Variants in SYT16 observed in about 807,000 individuals in gnomAD.
SYT16 encodes synaptotagmin-16.
Under a neutral mutation model 61.4 loss-of-function variants are expected in SYT16, and 42 were observed. That is an observed-to-expected ratio of 0.68 (90% confidence interval 0.53 to 0.89). The LOEUF is 0.89. Ranked by LOEUF, SYT16 falls within the 40% of genes least tolerant of loss-of-function variation. The pLI is 0.00. For synonymous variants in SYT16, 314 were observed against 302.3 expected (o/e 1.04, Z -0.40); for missense variants, 804 against 807.3 (o/e 1.00, Z 0.05).
intron 1 of SYT16, chr14:61,864,831 G>A: frequency 5.9e-6 from 6 of 1,023,394 alleles, no homozygotes; most frequent in Non-Finnish European, 6.0e-6. Context: ...CATTATGACG[G>A]TGGGCCTTGC....
chr14:61,905,430 C>T lies in SYT16; in HGVS notation c.-324-64702C>T, dbSNP rs113410117. 1.8e-4 allele frequency among the ~76,000 whole-genome samples: 28 copies of T among 152,308 alleles called. 1 individual carries two copies. The highest frequency in any genetic ancestry group is 3.4e-3 in the Middle Eastern group (1 of 294). On this transcript the variant is annotated intron_variant, in intron 1 of 7. Coordinates refer to ENST00000683842, the MANE Select transcript of SYT16 (RefSeq NM_001367656.1). ...ACTTATGCACCAAACTATTATATTG[C>T]GGAGTTGTTGCTGAGAAGTGGCTGT...
Position 62,110,872 on chromosome 14 carries a change from G to T in SYT16, c.*10165G>T, listed in dbSNP as rs1001874762. ...AAAAATTCTTCCCCTGCCAAAAAAG[G>T]TCCTTCAATCTCCTTTATTATTTTT... On this transcript the variant is annotated 3_prime_UTR_variant, in exon 8 of 8. Coordinates refer to ENST00000683842, the MANE Select transcript of SYT16 (RefSeq NM_001367656.1). 9 of 151,918 alleles carry T rather than the reference G, an allele frequency of 5.9e-5. No individual in the cohort carries two copies. The highest frequency in any genetic ancestry group is 1.9e-4 in the African/African-American group (8 of 41,376). 9.4% of individuals were successfully genotyped at this position (151,918 alleles called of 1,614,324 possible).
At position 61,923,100 on chromosome 14, in the gene SYT16, G is replaced by C. The variant is rs182828782; in HGVS notation, c.-324-47032G>C. ...GACCTATTTGTATACTATTCTTTCT[G>C]CTCATTATGGCAGGCTGGAAGAGAA... On this transcript the variant is annotated intron_variant, in intron 1 of 7. Transcript: ENST00000683842. Among the ~76,000 whole-genome samples, 180 of 151,220 alleles carry C rather than the reference G, an allele frequency of 1.2e-3. 1 individual carries two copies. Among genetic ancestry groups the C allele is most frequent in the African/African-American group, 4.3e-3 (176 of 41,172 alleles).
intron 3 of SYT16, among the ~76,000 whole-genome samples, chr14:62,035,066 G>A (rs1355359171): frequency 2.0e-5 from 3 of 152,146 alleles, no homozygotes; most frequent in African/African-American, 7.2e-5. Flanking sequence ...ATTTACATAT[G>A]TCCTCTGTTT....
At chr14:62,014,263 C>A (rs1396656393) in intron 3 of SYT16, among the ~76,000 whole-genome samples, 1 of 152,144 alleles carries the variant, frequency 6.6e-6, no homozygotes, top group Non-Finnish European at 1.5e-5. Context: ...ATCTTCCTTT[C>A]TTAGTTATGG....
At chr14:61,975,824 C>T (rs1415464719) in intron 2 of SYT16, among the ~76,000 whole-genome samples, 1 of 152,168 alleles carries the variant, frequency 6.6e-6, no homozygotes, top group Non-Finnish European at 1.5e-5. Flanking sequence ...CCCCCCAAAT[C>T]TCATGTCTCT....
chr14:62,051,589 G>T (rs527566034), intron 3 of SYT16, among the ~76,000 whole-genome samples: 17 of 152,328 alleles, frequency 1.1e-4, no homozygotes, highest in African/African-American at 4.1e-4. Flanking sequence ...TACTAGAGCT[G>T]TTCCTATTCG....
intron 3 of SYT16, among the ~76,000 whole-genome samples, chr14:62,011,867 C>G (rs2053463937): frequency 4.9e-5 from 3 of 61,576 alleles, no homozygotes; most frequent in South Asian, 6.0e-4. Context: ...TCAGGGAACA[C>G]TATATATACA....
At chr14:61,909,889 A>G in intron 1 of SYT16, among the ~76,000 whole-genome samples, 1 of 152,106 alleles carries the variant, frequency 6.6e-6, no homozygotes, top group Middle Eastern at 3.2e-3. Flanking sequence ...TTTTCTTCTA[A>G]GTTGTCTCTG....
chr14:62,005,034 C>T (rs1413049492), intron 3 of SYT16, among the ~76,000 whole-genome samples: 4 of 152,148 alleles, frequency 2.6e-5, no homozygotes, highest in African/African-American at 4.8e-5. Context: ...GGATACTCAC[C>T]TCTGGCATCA....
At chr14:61,959,566 C>A (rs1271059694) in intron 1 of SYT16, among the ~76,000 whole-genome samples, 2 of 151,944 alleles carry the variant, frequency 1.3e-5, no homozygotes, top group Admixed American at 6.6e-5. Context: ...TATTTTGTTT[C>A]TTGGTATGTT....
chr14:61,854,501 A>T (rs1433778079), intron 1 of SYT16, among the ~76,000 whole-genome samples: 2 of 152,236 alleles, frequency 1.3e-5, no homozygotes, highest in East Asian at 3.9e-4. Context: ...AGTAAGAAAT[A>T]GTAAGTGGAT....
chr14:62,004,857 G>T (rs1314929625), intron 3 of SYT16, among the ~76,000 whole-genome samples: 1 of 152,156 alleles, frequency 6.6e-6, no homozygotes, highest in African/African-American at 2.4e-5. Flanking sequence ...TGACCCTGCG[G>T]TGTGGGTGGC....
intron 2 of SYT16, among the ~76,000 whole-genome samples, chr14:61,974,080 T>C (rs1240363070): frequency 6.6e-6 from 1 of 152,130 alleles, no homozygotes; most frequent in South Asian, 2.1e-4. Context: ...GGGGCAAATA[T>C]ACTGGTGGTG....
intron 3 of SYT16, among the ~76,000 whole-genome samples, chr14:62,046,364 C>G (rs1235848721): frequency 1.3e-4 from 20 of 152,012 alleles, no homozygotes; most frequent in South Asian, 6.3e-4. Context: ...CCCTTTGTCA[C>G]ATGAGTAGGT....
At chr14:61,928,952 CA>C (rs2049649508) in intron 1 of SYT16, among the ~76,000 whole-genome samples, 1 of 152,220 alleles carries the variant, frequency 6.6e-6, no homozygotes, top group South Asian at 2.1e-4. Flanking sequence ...TCATTAGTGA[CA>C]ACCTGTGTGC....
At chr14:62,086,920 A>G (rs1349358825) in intron 7 of SYT16, among the ~76,000 whole-genome samples, 1 of 152,230 alleles carries the variant, frequency 6.6e-6, no homozygotes, top group Non-Finnish European at 1.5e-5. Flanking sequence ...AATAGTGAAG[A>G]CAAAAGTTTT....
chr14:62,058,422 A>G (rs2055667702), intron 3 of SYT16, among the ~76,000 whole-genome samples: 3 of 149,018 alleles, frequency 2.0e-5, no homozygotes, highest in Admixed American at 1.4e-4. Context: ...CAGTGGTGCA[A>G]TCTCGGCTCA....
intron 1 of SYT16, among the ~76,000 whole-genome samples, chr14:61,817,571 A>G (rs1420343947): frequency 6.6e-6 from 1 of 152,146 alleles, no homozygotes; most frequent in Non-Finnish European, 1.5e-5. Flanking sequence ...AAATCAAGAG[A>G]CATTCTGTAA....
Sources: allele counts gnomAD v4.1 joint callset (sites outside exome capture counted in the v4.1 genomes callset), GRCh38; gene constraint gnomAD v4.1.1; transcripts MANE v1.5; gene names NCBI Gene and HGNC (gene_info 2026-07-23, HGNC 2026-07-21).